ABCG2: variants seen among roughly 807,000 people sequenced by gnomAD.
ABCG2 encodes the protein broad substrate specificity ATP-binding cassette transporter ABCG2.
Under a neutral mutation model 73.5 loss-of-function variants are expected in ABCG2, and 80 were observed. The ratio of observed to expected loss-of-function variants is 1.09; its 90% CI spans 0.91 to 1.31. ABCG2 has a LOEUF of 1.31. Among genes scored for constraint, ABCG2 ranks in the 50% most tolerant of loss-of-function variants. The pLI is 0.00. For synonymous variants in ABCG2, 269 were observed against 282.4 expected (o/e 0.95, Z 0.48); for missense variants, 796 against 786.2 (o/e 1.01, Z -0.15).
At chr4:88,225,403 T>G (rs995193317) in intron 1 of ABCG2, among the ~76,000 whole-genome samples, 6 of 152,212 alleles carry the variant, frequency 3.9e-5, no homozygotes, top group Non-Finnish European at 8.8e-5. Context: ...TTCAAAGGCT[T>G]GGAGGAAGGC....
At chr4:88,212,264 T>G (rs750530308) in intron 1 of ABCG2, among the ~76,000 whole-genome samples, 2 of 152,158 alleles carry the variant, frequency 1.3e-5, no homozygotes, top group Non-Finnish European at 2.9e-5. Flanking sequence ...CCCCAGAAGA[T>G]CTCAGCTTTG....
At chr4:88,227,847 C>T (rs1350056890) in intron 1 of ABCG2, among the ~76,000 whole-genome samples, 1 of 152,074 alleles carries the variant, frequency 6.6e-6, no homozygotes, top group African/African-American at 2.4e-5. Context: ...TTTGTACAGA[C>T]CAAGAGGTCA....
At chr4:88,202,354 T>TATATATATATATATATATATATATCTA (rs1553945717) in intron 1 of ABCG2, among the ~76,000 whole-genome samples, 1 of 62,086 alleles carries the variant, frequency 1.6e-5, no homozygotes, top group Non-Finnish European at 3.2e-5. Context: ...CTACAATTAT[T>TATATATATATATATATATATATATCTA]TATATATATA....
chr4:88,166,694 G>A (rs1323606847), intron 1 of ABCG2, among the ~76,000 whole-genome samples: 1 of 152,196 alleles, frequency 6.6e-6, no homozygotes, highest in African/African-American at 2.4e-5. Flanking sequence ...AGATGTGAAG[G>A]TAAAGGGTTA....
rs751658324 is a variant in ABCG2, at chr4:88,121,622, C to T, written c.689+13G>A. On this transcript the variant is annotated intron_variant, in intron 6 of 15. Coordinates refer to ENST00000237612, the MANE Select transcript of ABCG2 (RefSeq NM_004827.3). Reference sequence around the variant, plus strand: ...AGATATTAACTAAAGAATAATGTTTCCAGAGCATTTACCTTTTCAGGAGCA... The same window carrying T: ...AGATATTAACTAAAGAATAATGTTTTCAGAGCATTTACCTTTTCAGGAGCA... The T allele has an allele frequency of 3.7e-6, 6 of 1,611,798 alleles. No homozygotes were observed. The highest frequency in any genetic ancestry group is 2.5e-6 in the Non-Finnish European group (3 of 1,179,006).
chr4:88,152,758 TAAAAC>T (rs1410948569), intron 1 of ABCG2, among the ~76,000 whole-genome samples: 1 of 151,920 alleles, frequency 6.6e-6, no homozygotes, highest in Admixed American at 6.6e-5. Context: ...ATAAGAAAAA[TAAAAC>T]AAAATAGTGG....
At chr4:88,217,044 A>AT (rs1282806813) in intron 1 of ABCG2, among the ~76,000 whole-genome samples, 21 of 149,748 alleles carry the variant, frequency 1.4e-4, no homozygotes, top group Admixed American at 9.3e-4. Flanking sequence ...AAAAAAAAAA[A>AT]TTTTTTTTTT....
At chr4:88,221,561 T>A (rs188883973) in intron 1 of ABCG2, among the ~76,000 whole-genome samples, 135 of 152,304 alleles carry the variant, frequency 8.9e-4, no homozygotes, top group African/African-American at 3.2e-3. Context: ...GGAGACTTTT[T>A]AAATGGTTTT....
chr4:88,147,025 G>GAAAGAAAGAAAGAAAGAAAGAAAGA, intron 1 of ABCG2, among the ~76,000 whole-genome samples: 1 of 136,198 alleles, frequency 7.3e-6, no homozygotes, highest in African/African-American at 2.7e-5. Context: ...AGGAAAGAAA[G>GAAAGAAAGAAAGAAAGAAAGAAAGA]AAAGAAAGAA....
chr4:88,203,953 C>T (rs1420129155), intron 1 of ABCG2, among the ~76,000 whole-genome samples: 1 of 152,016 alleles, frequency 6.6e-6, no homozygotes, highest in African/African-American at 2.4e-5. Flanking sequence ...CACAGCTGGA[C>T]CAAAGGTATG....
At chr4:88,125,196 G>A (rs1360766197) in intron 5 of ABCG2, among the ~76,000 whole-genome samples, 2 of 152,068 alleles carry the variant, frequency 1.3e-5, no homozygotes, top group African/African-American at 2.4e-5. Flanking sequence ...GGAGACTGAG[G>A]CAGGAGAATG....
At chr4:88,208,998 T>C (rs1479853838) in intron 1 of ABCG2, among the ~76,000 whole-genome samples, 1 of 150,880 alleles carries the variant, frequency 6.6e-6, no homozygotes, top group African/African-American at 2.4e-5. Flanking sequence ...CGAGACTGTC[T>C]CAAAAAAAAC....
At chr4:88,138,730 T>C (rs1044331699) in intron 2 of ABCG2, among the ~76,000 whole-genome samples, 5 of 152,122 alleles carry the variant, frequency 3.3e-5, no homozygotes, top group Non-Finnish European at 5.9e-5. Flanking sequence ...TGATGACCTT[T>C]CCACTAAAAT....
chr4:88,115,092 G>C (rs1723444155), intron 7 of ABCG2, 34 bp from the exon 8 acceptor site: 1 of 1,450,528 alleles, frequency 6.9e-7, no homozygotes, highest in East Asian at 2.3e-5. Flanking sequence ...ACACAAACTT[G>C]ATGGTCTTGG....
chr4:88,157,258 G>A (rs1425245763), intron 1 of ABCG2, among the ~76,000 whole-genome samples: 7 of 152,106 alleles, frequency 4.6e-5, no homozygotes, highest in South Asian at 2.1e-4. Context: ...TTAACTGACC[G>A]GGTCTTCTTC....
At chr4:88,123,555 AG>A (rs531117971) in intron 5 of ABCG2, among the ~76,000 whole-genome samples, 74 of 152,254 alleles carry the variant, frequency 4.9e-4, no homozygotes, top group African/African-American at 1.7e-3. Flanking sequence ...AGCGGAAGAA[AG>A]GATATAAGAG....
At chr4:88,132,901 T>C (rs1393871147) in intron 2 of ABCG2, among the ~76,000 whole-genome samples, 1 of 151,730 alleles carries the variant, frequency 6.6e-6, no homozygotes, top group Non-Finnish European at 1.5e-5. Context: ...AGACACTGTC[T>C]CTACTTAAAG....
At chr4:88,156,392 A>G (rs892249939) in intron 1 of ABCG2, among the ~76,000 whole-genome samples, 2 of 149,988 alleles carry the variant, frequency 1.3e-5, no homozygotes, top group African/African-American at 4.9e-5. Flanking sequence ...AAAAAAAAAA[A>G]GAAGGAAAAA....
At chr4:88,230,052 G>A (rs1248898627) in intron 1 of ABCG2, among the ~76,000 whole-genome samples, 1 of 149,310 alleles carries the variant, frequency 6.7e-6, no homozygotes, top group Non-Finnish European at 1.5e-5. Context: ...GAGTACAATG[G>A]CGCGGTCTTA....
Sources: allele counts gnomAD v4.1 joint callset (sites outside exome capture counted in the v4.1 genomes callset), GRCh38; gene constraint gnomAD v4.1.1; transcripts MANE v1.5; gene names NCBI Gene and HGNC (gene_info 2026-07-23, HGNC 2026-07-21).